LIFR: variants seen among roughly 807,000 people sequenced by gnomAD.
The protein encoded by LIFR is leukemia inhibitory factor receptor.
A neutral mutation model predicts 122.2 loss-of-function variants in LIFR; 84 were observed. The observed-to-expected ratio is 0.69, with a 90% CI of 0.58 to 0.82. LIFR has a LOEUF of 0.82. LIFR is among the 40% of genes least tolerant of loss of function. LIFR has a pLI of 0.00. For missense variants in LIFR, 1,294 were observed against 1,311.6 expected, an observed-to-expected ratio of 0.99 and a Z score of 0.21; for synonymous variants, 422 against 434.7, an observed-to-expected ratio of 0.97 and a Z score of 0.36.
intron 1 of LIFR, among the ~76,000 whole-genome samples, chr5:38,563,151 C>A (rs1255077053): frequency 6.6e-6 from 1 of 152,224 alleles, no homozygotes; most frequent in Admixed American, 6.5e-5. Context: ...TTCTGTGACA[C>A]GCCCAAGAAA....
chr5:38,556,607 T>C lies in LIFR; in HGVS notation c.-293A>G, dbSNP rs1386378488. ...CGCCAGAGCCTCCCAGAGGCAACGGTAACGGCCACCGCCACGGCCGAGTCG... is the reference window on the plus strand; with the variant it reads ...CGCCAGAGCCTCCCAGAGGCAACGGCAACGGCCACCGCCACGGCCGAGTCG... On this transcript the variant is annotated 5_prime_UTR_variant, in exon 1 of 20. Coordinates refer to ENST00000453190, the MANE Select transcript of LIFR (RefSeq NM_001127671.2). 6.7e-6 allele frequency: 1 copy of C among 148,288 alleles called. No individual in the cohort carries two copies. Among genetic ancestry groups the C allele is most frequent in the African/African-American group, 2.5e-5 (1 of 40,802 alleles). 9.2% of individuals were successfully genotyped at this position (148,288 alleles called of 1,614,324 possible).
chr5:38,587,353 T>C (rs1473563440), intron 1 of LIFR, among the ~76,000 whole-genome samples: 1 of 152,094 alleles, frequency 6.6e-6, no homozygotes, highest in Admixed American at 6.5e-5. Context: ...CATTAAAAGT[T>C]ATTCCGGCAA....
chr5:38,550,226 T>TTAATCAATCCTCCAGTTGATTA (rs1238318021), intron 1 of LIFR: 3 of 966,232 alleles, frequency 3.1e-6, no homozygotes, highest in Non-Finnish European at 3.7e-6. Context: ...TGATTAGATT[T>TTAATCAATCCTCCAGTTGATTA]GGTTTTAAAC....
intron 1 of LIFR, among the ~76,000 whole-genome samples, chr5:38,550,996 A>G (rs1158329358): frequency 6.6e-6 from 1 of 152,222 alleles, no homozygotes; most frequent in Non-Finnish European, 1.5e-5. Context: ...TAAGCTCTAA[A>G]TAGTTTTTCC....
chr5:38,587,652 C>T (rs1445999097), intron 1 of LIFR, among the ~76,000 whole-genome samples: 5 of 151,996 alleles, frequency 3.3e-5, no homozygotes, highest in East Asian at 1.9e-4. Context: ...AAAGAGTGTA[C>T]GGGATGGGGG....
At position 38,510,600 on chromosome 5, in the gene LIFR, T is replaced by C; in HGVS notation, c.855A>G (p.Thr285=). The change falls in exon 7 of 20, where the codon ACA becomes ACG. Residue 285 remains threonine, a synonymous_variant. Transcript: ENST00000453190. ...CATCAAGATGGATCAAGGGGCAGTTTGTATGGCCAATCAGTGCTGATAACA... is the reference window on the plus strand; with the variant it reads ...CATCAAGATGGATCAAGGGGCAGTTCGTATGGCCAATCAGTGCTGATAACA... The part of the protein sequence containing the change: ...EKVLSALIGH[T]NCPLIHLDGE... 6.2e-7 allele frequency: 1 copy of C among 1,614,084 alleles called. No individual in the cohort carries two copies. Among genetic ancestry groups the C allele is most frequent in the Non-Finnish European group, 8.5e-7 (1 of 1,179,982 alleles).
chr5:38,598,604 T>G (rs1750166413), upstream of LIFR, among the ~76,000 whole-genome samples: 1 of 152,002 alleles, frequency 6.6e-6, no homozygotes, highest in Non-Finnish European at 1.5e-5. Context: ...CCCACTGAGC[T>G]TTTTCTCTGC....
At chr5:38,491,648 C>T (rs1170241562) in intron 14 of LIFR, among the ~76,000 whole-genome samples, 1 of 152,190 alleles carries the variant, frequency 6.6e-6, no homozygotes, top group Non-Finnish European at 1.5e-5. Context: ...ACACCAGTGG[C>T]CTACAGGCTC....
chr5:38,544,266 T>C (rs1384350362), intron 1 of LIFR, among the ~76,000 whole-genome samples: 1 of 152,126 alleles, frequency 6.6e-6, no homozygotes, highest in Non-Finnish European at 1.5e-5. Flanking sequence ...CATCAGATCA[T>C]GTCACTCCCC....
chr5:38,537,272 A>G (rs1321171384), intron 1 of LIFR, among the ~76,000 whole-genome samples: 2 of 152,042 alleles, frequency 1.3e-5, no homozygotes, highest in East Asian at 3.9e-4. Context: ...CAGCTCCCCA[A>G]ACACTCCACA....
chr5:38,492,891 CAG>C (rs1744671289), intron 14 of LIFR, among the ~76,000 whole-genome samples: 1 of 152,150 alleles, frequency 6.6e-6, no homozygotes, highest in Admixed American at 6.5e-5. Context: ...GATGATATTG[CAG>C]AGAGGGCTCT....
At chr5:38,535,042 T>G (rs1747220709) in intron 1 of LIFR, among the ~76,000 whole-genome samples, 1 of 152,212 alleles carries the variant, frequency 6.6e-6, no homozygotes, top group Admixed American at 6.5e-5. Flanking sequence ...GTACCCATTC[T>G]CTGGAAGCTA....
Position 38,479,743 on chromosome 5 carries a change from G to A in LIFR, c.*1852C>T, listed in dbSNP as rs570364419. ...AGGCAGCCCCAGGTCTGATGTCTGG[G>A]GTGGAAGCTAAGGGAAGGAGCCAAA... On this transcript the variant is annotated 3_prime_UTR_variant, in exon 20 of 20. Transcript: ENST00000453190. 23 of 231,756 alleles carry A rather than the reference G, an allele frequency of 9.9e-5. No homozygotes were observed. Among genetic ancestry groups the A allele is most frequent in the African/African-American group, 4.6e-4 (21 of 45,360 alleles). 14.4% of individuals were successfully genotyped at this position (231,756 alleles called of 1,614,324 possible).
chr5:38,493,443 G>T (rs1285861631), intron 14 of LIFR, among the ~76,000 whole-genome samples, 163 bp downstream of exon 14: 1 of 152,108 alleles, frequency 6.6e-6, no homozygotes, highest in East Asian at 1.9e-4. Flanking sequence ...AGATCAAAGG[G>T]TTTGGATCCT....
chr5:38,482,036 T>C lies in LIFR; in HGVS notation c.2853A>G (p.Pro951=). ...TTGGTATTTCTTCCTCAATGATGGG[T>C]GGACAATAGGACACAACCACATGGT... ...PENHVVVSYC[P]PIIEEEIPNP... The change falls in exon 20 of 20, where the codon CCA becomes CCG. Residue 951 remains proline (P), a synonymous_variant. Transcript: ENST00000453190. 6.2e-7 allele frequency: 1 copy of C among 1,613,918 alleles called. No homozygotes were observed. The highest frequency in any genetic ancestry group is 1.1e-5 in the South Asian group (1 of 91,032).
At chr5:38,518,612 AAC>A (rs1031442073) in intron 5 of LIFR, among the ~76,000 whole-genome samples, 5 of 152,246 alleles carry the variant, frequency 3.3e-5, no homozygotes, top group African/African-American at 1.2e-4. Context: ...ATAAGAGTAT[AAC>A]ACATATAATT....
intron 1 of LIFR, among the ~76,000 whole-genome samples, chr5:38,587,317 G>C (rs190204163): frequency 6.5e-4 from 99 of 152,140 alleles, no homozygotes; most frequent in African/African-American, 2.4e-3. Context: ...AAAACCTCAC[G>C]GATAAAAAAG....
At chr5:38,510,754 T>A in intron 6 of LIFR, 36 bp from the exon 7 acceptor site, 1 of 1,552,964 alleles carries the variant, frequency 6.4e-7, no homozygotes, top group Non-Finnish European at 8.8e-7. Context: ...ACATTTTATA[T>A]AGAAGTATTT....
intron 1 of LIFR, among the ~76,000 whole-genome samples, chr5:38,588,251 G>C (rs1379320135): frequency 6.6e-6 from 1 of 152,190 alleles, no homozygotes; most frequent in Non-Finnish European, 1.5e-5. Flanking sequence ...TCTAGGTTGA[G>C]AGGCCTAGAA....
Sources: gnomAD v4.1 joint callset for allele counts (sites outside exome capture counted in the v4.1 genomes callset) on GRCh38, gnomAD v4.1.1 for gene constraint, MANE v1.5 for transcripts, NCBI Gene and HGNC (gene_info 2026-07-23, HGNC 2026-07-21) for gene names.